The following MRPS6 variants were observed in gnomAD, a reference collection of about 807,000 sequenced individuals.
MRPS6 encodes small ribosomal subunit protein bS6m.
In MRPS6, 6 loss-of-function variants were observed where a neutral mutation model predicts 13.1. That is an observed-to-expected ratio of 0.46 (90% CI 0.25 to 0.91). The LOEUF is 0.91. Among genes scored for constraint, MRPS6 ranks in the 40% least tolerant of loss-of-function variants. The pLI is 0.18. For synonymous variants in MRPS6, 61 were observed against 56.5 expected, an observed-to-expected ratio of 1.08 and a Z score of -0.36; for missense variants, 164 against 155.6, an observed-to-expected ratio of 1.05 and a Z score of -0.29.
chr21:34,099,431 C>G lies in MRPS6; in HGVS notation c.45+25686C>G, dbSNP rs988550533. ...GGAACTGTTCTTCCTTTGGGACAAC[C>G]TTTTGGTGTTTGGGAAAGTAATAAG... On this transcript the variant is annotated intron_variant, in intron 1 of 2. Coordinates refer to ENST00000399312, the MANE Select transcript of MRPS6 (RefSeq NM_032476.4). 4 of 999,880 alleles carry G rather than the reference C, an allele frequency of 4.0e-6. No homozygotes were observed. The African/African-American group carries it at 7.0e-5, about 17-fold the overall frequency. 61.9% of individuals were successfully genotyped at this position (999,880 alleles called of 1,614,324 possible).
intron 1 of MRPS6, among the ~76,000 whole-genome samples, chr21:34,088,076 C>T (rs1018173143): frequency 6.6e-6 from 1 of 152,190 alleles, no homozygotes; most frequent in African/African-American, 2.4e-5. Context: ...TACAACACTT[C>T]ATCCATTAAG....
intron 1 of MRPS6, chr21:34,097,857 G>A (rs980233966): frequency 9.1e-6 from 9 of 994,448 alleles, no homozygotes; most frequent in Admixed American, 6.2e-5. Flanking sequence ...CTTGTTTCAG[G>A]ACAAGTTCAT....
intron 1 of MRPS6, chr21:34,106,190 C>CTG (rs1391534664): frequency 2.4e-4 from 236 of 979,650 alleles, no homozygotes; most frequent in Non-Finnish European, 2.7e-5. Context: ...TGTCCTGTAA[C>CTG]TGAAGTATAG....
chr21:34,109,649 A>G (rs1453441122), intron 1 of MRPS6, among the ~76,000 whole-genome samples: 1 of 152,086 alleles, frequency 6.6e-6, no homozygotes. Flanking sequence ...GACCAATTGT[A>G]TTTATTTTAG....
At chr21:34,094,023 C>G (rs1050743720) in intron 1 of MRPS6, among the ~76,000 whole-genome samples, 1 of 152,180 alleles carries the variant, frequency 6.6e-6, no homozygotes, top group African/African-American at 2.4e-5. Flanking sequence ...AACATAAAAT[C>G]ACGCCTTTAG....
chr21:34,126,424 G>A (rs939859892), intron 2 of MRPS6, among the ~76,000 whole-genome samples: 1 of 152,204 alleles, frequency 6.6e-6, no homozygotes, highest in South Asian at 2.1e-4. Context: ...ACCTTCTGCC[G>A]TGCTGCAAAT....
rs1340470392 is a variant in MRPS6 at position 34,137,359 on chromosome 21, T to C, written c.186-5049T>C. Among the ~76,000 whole-genome samples, 3 of 152,350 alleles carry C rather than the reference T, an allele frequency of 2.0e-5. No individual in the cohort carries two copies. In the East Asian group the frequency reaches 5.8e-4, roughly 29 times the overall value. On this transcript the variant is annotated intron_variant, in intron 2 of 2. Coordinates refer to ENST00000399312, the MANE Select transcript of MRPS6 (RefSeq NM_032476.4). ...TTCTTTCAGCAGCGTTTTGTAGTTT[T>C]GCATACCTTTTGTCTGATTTCTCTG...
chr21:34,114,300 C>G (rs1979817932), intron 1 of MRPS6, among the ~76,000 whole-genome samples: 2 of 152,150 alleles, frequency 1.3e-5, no homozygotes, highest in African/African-American at 2.4e-5. Context: ...CACATTCAGA[C>G]AAGACTCCAA....
chr21:34,103,687 T>C, intron 1 of MRPS6: 1 of 1,000,170 alleles, frequency 1.0e-6, no homozygotes, highest in Non-Finnish European at 1.2e-6. Context: ...GTCTCAGAGT[T>C]GCTATGAGCA....
intron 1 of MRPS6, among the ~76,000 whole-genome samples, chr21:34,119,539 T>C (rs1980048239): frequency 6.6e-6 from 1 of 152,204 alleles, no homozygotes; most frequent in Non-Finnish European, 1.5e-5. Context: ...CTTCCCTGAG[T>C]CCTGCCTGCT....
intron 1 of MRPS6, chr21:34,124,044 A>T (rs958822871): frequency 6.6e-6 from 1 of 151,324 alleles, no homozygotes; most frequent in Non-Finnish European, 1.5e-5. Context: ...CTCCCCCTCC[A>T]CCCTTTCTAT....
chr21:34,137,604 C>G (rs1245206471), intron 2 of MRPS6, among the ~76,000 whole-genome samples: 2 of 152,156 alleles, frequency 1.3e-5, no homozygotes, highest in Admixed American at 1.3e-4. Context: ...CCTTACTGCA[C>G]TGGCTAGAAC....
Position 34,142,646 on chromosome 21 carries a change from G to A in MRPS6, c.*46G>A. ...CCTTATATGTAATTCCTTCACATTT[G>A]GGCAGCATGGACGAGAAGGAAGAAT... On this transcript the variant is annotated 3_prime_UTR_variant, in exon 3 of 3. Transcript: ENST00000399312. 1.3e-6 allele frequency: 2 copies of A among 1,511,150 alleles called. No individual in the cohort carries two copies. Among genetic ancestry groups the A allele is most frequent in the Admixed American group, 2.1e-5 (1 of 46,902 alleles). 93.6% of individuals were successfully genotyped at this position (1,511,150 alleles called of 1,614,324 possible). A position where few individuals can be genotyped will look rare whatever the true frequency, so the allele number is the denominator to read the frequency against.
At chr21:34,091,679 A>C (rs1019235290) in intron 1 of MRPS6, among the ~76,000 whole-genome samples, 4 of 152,320 alleles carry the variant, frequency 2.6e-5, no homozygotes, top group East Asian at 1.9e-4. Flanking sequence ...ACTGCATTCT[A>C]ATTCTGTGCA....
intron 1 of MRPS6, chr21:34,100,569 C>T: frequency 1.0e-6 from 1 of 1,000,204 alleles, no homozygotes; most frequent in Non-Finnish European, 1.2e-6. Flanking sequence ...GCACAAAGAG[C>T]CTGGCCAGGG....
rs1979344770 is a variant in MRPS6 at position 34,103,578 on chromosome 21, A to G, written c.46-21763A>G. 2.1e-5 allele frequency: 21 copies of G among 1,000,112 alleles called. No individual in the cohort carries two copies. In the South Asian group the frequency reaches 8.5e-4, roughly 40 times the overall value. 62.0% of individuals were successfully genotyped at this position (1,000,112 alleles called of 1,614,324 possible). On this transcript the variant is annotated intron_variant, in intron 1 of 2. Coordinates refer to ENST00000399312, the MANE Select transcript of MRPS6 (RefSeq NM_032476.4). ...AGCTAAAGTCCATAGAAAGCACAAA[A>G]TCGTGTTCACACATTAGTGTACCCA...
At position 34,073,590 on chromosome 21, in the gene MRPS6, T is replaced by G. The variant is rs1030282422; in HGVS notation, c.-111T>G. On this transcript the variant is annotated 5_prime_UTR_variant, in exon 1 of 3. Transcript: ENST00000399312. ...GCTCTCGGACCGTGCTTTCGCCGCC[T>G]GGGAGCCGTCCGGCGCAGCAGTTTC... 2 of 951,642 alleles carry G rather than the reference T, an allele frequency of 2.1e-6. No individual in the cohort carries two copies. The highest frequency in any genetic ancestry group is 3.5e-5 in the African/African-American group (2 of 56,902). 58.9% of individuals were successfully genotyped at this position (951,642 alleles called of 1,614,324 possible). A position where few individuals can be genotyped will look rare whatever the true frequency, so the allele number is the denominator to read the frequency against.
intron 2 of MRPS6, among the ~76,000 whole-genome samples, chr21:34,141,367 C>A (rs903944413): frequency 2.0e-5 from 3 of 152,046 alleles, no homozygotes; most frequent in African/African-American, 7.2e-5. Context: ...TAGGAGGGTG[C>A]TGCTTTAGGA....
At chr21:34,105,810 A>G in intron 1 of MRPS6, 1 of 996,820 alleles carries the variant, frequency 1.0e-6, no homozygotes, top group South Asian at 4.7e-5. Context: ...TTGCAAGCAG[A>G]AAGTAGAATT....
Sources: gnomAD v4.1 joint callset for allele counts (sites outside exome capture counted in the v4.1 genomes callset) on GRCh38, gnomAD v4.1.1 for gene constraint, MANE v1.5 for transcripts, NCBI Gene and HGNC (gene_info 2026-07-23, HGNC 2026-07-21) for gene names.